The following ABHD2 variants were observed in gnomAD, a reference collection of about 807,000 sequenced individuals.
The protein encoded by ABHD2 is abhydrolase domain containing 2, acylglycerol lipase.
Under a neutral mutation model 48.1 loss-of-function variants are expected in ABHD2, and 20 were observed. The ratio of observed to expected loss-of-function variants is 0.42; its 90% CI spans 0.29 to 0.60. ABHD2 has a LOEUF of 0.60. Ranked by LOEUF, ABHD2 falls within the 20% of genes least tolerant of loss-of-function variation. ABHD2 has a pLI of 0.24. For missense variants in ABHD2, 405 were observed against 550.9 expected, an observed-to-expected ratio of 0.74 and a Z score of 2.65; for synonymous variants, 209 against 214.2, an observed-to-expected ratio of 0.98 and a Z score of 0.21.
rs1047846070 is a variant in ABHD2 at position 89,179,495 on chromosome 15, C to A, written c.722+3500C>A. On this transcript the variant is annotated intron_variant, in intron 6 of 10. Coordinates refer to ENST00000352732, the MANE Select transcript of ABHD2 (RefSeq NM_152924.5). The surrounding 1 kb of genome is among the most constrained non-coding windows in gnomAD (Gnocchi z 4.3). The stretch of plus-strand genomic sequence containing the variant: ...GAGAATCTAATATCTGATGATCTGT[C>A]GCTGTCTCCCATCACCCCCAGATGG... Among the ~76,000 whole-genome samples, 2 of 152,112 alleles carry A rather than the reference C, an allele frequency of 1.3e-5. No individual in the cohort carries two copies. The highest frequency in any genetic ancestry group is 4.8e-5 in the African/African-American group (2 of 41,422).
At chr15:89,119,374 G>A (rs1000438383) in intron 3 of ABHD2, among the ~76,000 whole-genome samples, 5 of 152,090 alleles carry the variant, frequency 3.3e-5, no homozygotes, top group African/African-American at 1.2e-4. Flanking sequence ...TCTTATTTCT[G>A]ATTTAGATTC....
chr15:89,057,604 G>A, the ABHD2 span, among the ~76,000 whole-genome samples: 1 of 152,122 alleles, frequency 6.6e-6, no homozygotes, highest in Non-Finnish European at 1.5e-5. Context: ...CACGGTGGGG[G>A]CGTGCCTGGT....
the ABHD2 span, among the ~76,000 whole-genome samples, chr15:89,081,633 G>A: frequency 3.3e-5 from 5 of 152,178 alleles, no homozygotes; most frequent in South Asian, 1.0e-3. Flanking sequence ...CTGGGAGGCC[G>A]AGGCAGGGGA....
At chr15:89,152,950 T>G (rs909389889) in intron 4 of ABHD2, among the ~76,000 whole-genome samples, 1 of 152,240 alleles carries the variant, frequency 6.6e-6, no homozygotes, top group African/African-American at 2.4e-5. Flanking sequence ...TTTTTGTTTT[T>G]TTTAAATAGG....
In ABHD2 at chr15:89,170,961, C is replaced by T. The variant is rs541004971; in HGVS notation, c.539-4851C>T. ...TGAAGCCCCGCCTCTACTAAAAATACAAAAATTAGCCCGGCGTGGTGGTGG... is the reference window on the plus strand; with the variant it reads ...TGAAGCCCCGCCTCTACTAAAAATATAAAAATTAGCCCGGCGTGGTGGTGG... On this transcript the variant is annotated intron_variant, in intron 5 of 10. Transcript: ENST00000352732. Among the ~76,000 whole-genome samples, 23 of 152,106 alleles carry T rather than the reference C, an allele frequency of 1.5e-4. No homozygotes were observed. The South Asian group carries it at 1.9e-3, about 12-fold the overall frequency.
At chr15:89,135,704 T>C in intron 3 of ABHD2, 1 of 1,426,964 alleles carries the variant, frequency 7.0e-7, no homozygotes, top group East Asian at 2.3e-5. Context: ...AATATCCTTT[T>C]CTTACTTTTC....
the ABHD2 span, among the ~76,000 whole-genome samples, chr15:89,073,296 C>A: frequency 4.6e-5 from 7 of 152,024 alleles, no homozygotes; most frequent in Non-Finnish European, 7.4e-5. Context: ...TGTGGAATAT[C>A]TGGGGAATCT....
Position 89,100,995 on chromosome 15 carries a change from A to T in ABHD2, c.-107+12432A>T, listed in dbSNP as rs1279044215. On this transcript the variant is annotated intron_variant, in intron 1 of 10. Transcript: ENST00000352732. This position sits in a 1 kb window ranked among gnomAD's most constrained non-coding sequence, Gnocchi z 4.4. ...ATGTCAGTTGGAGAATACCATAGAC[A>T]ATTTTGTTGCATTGTATATTTTGGA... Among the ~76,000 whole-genome samples, 3 of 152,246 alleles carry T rather than the reference A, an allele frequency of 2.0e-5. No homozygotes were observed. The highest frequency in any genetic ancestry group is 7.2e-5 in the African/African-American group (3 of 41,460).
the ABHD2 span, among the ~76,000 whole-genome samples, chr15:89,074,813 C>A: frequency 6.6e-6 from 1 of 152,214 alleles, no homozygotes; most frequent in Admixed American, 6.5e-5. Flanking sequence ...TCCACTAGCT[C>A]TTCCCTATCT....
At chr15:89,187,226 T>C (rs2051225780) in intron 7 of ABHD2, among the ~76,000 whole-genome samples, 1 of 152,230 alleles carries the variant, frequency 6.6e-6, no homozygotes. Flanking sequence ...GTCTTGCTAC[T>C]AATTAGTCTA....
In ABHD2 at chr15:89,127,641, T is replaced by C. The variant is rs1249290170; in HGVS notation, c.194+11120T>C. Among the ~76,000 whole-genome samples the C allele has an allele frequency of 1.3e-5, 2 of 150,152 alleles. 1 individual carries two copies. The highest frequency in any genetic ancestry group is 5.0e-5 in the African/African-American group (2 of 40,260). On this transcript the variant is annotated intron_variant, in intron 3 of 10. Transcript: ENST00000352732. ...GTTGACACCTGCCAAGCCACAGCAGTATGGACTTTTCCTTCCTTGGGATTT... is the reference window on the plus strand; with the variant it reads ...GTTGACACCTGCCAAGCCACAGCAGCATGGACTTTTCCTTCCTTGGGATTT...
chr15:89,158,351 G>A (rs777471484), intron 5 of ABHD2, among the ~76,000 whole-genome samples: 1 of 152,228 alleles, frequency 6.6e-6, no homozygotes, highest in Non-Finnish European at 1.5e-5. Flanking sequence ...AACTGGGTCT[G>A]TATAGTCTAG....
the ABHD2 span, among the ~76,000 whole-genome samples, chr15:89,059,570 C>T: frequency 6.6e-6 from 1 of 152,162 alleles, no homozygotes; most frequent in Non-Finnish European, 1.5e-5. Flanking sequence ...ACCTCTTGAA[C>T]CATGAATTGG....
In ABHD2 at chr15:89,166,226, C is replaced by G. The variant is rs1215911754; in HGVS notation, c.539-9586C>G. ...TAACGAGTCCCTTAGGATCATGAGC[C>G]TTCTAAGAACTTAGTACCCATCTCC... On this transcript the variant is annotated intron_variant, in intron 5 of 10. Transcript: ENST00000352732. This position sits in a 1 kb window ranked among gnomAD's most constrained non-coding sequence, Gnocchi z 4.6. 6.6e-6 allele frequency among the ~76,000 whole-genome samples: 1 copy of G among 152,224 alleles called. No individual in the cohort carries two copies. Among genetic ancestry groups the G allele is most frequent in the African/African-American group, 2.4e-5 (1 of 41,458 alleles).
rs1246148416 is a variant in ABHD2, at chr15:89,199,239, C to CT, written c.*3817dup. 6.6e-6 allele frequency: 1 copy of CT among 152,004 alleles called. No homozygotes were observed. The highest frequency in any genetic ancestry group is 2.4e-5 in the African/African-American group (1 of 41,348). The allele number at this position is 152,004 out of a possible 1,614,324, so 9.4% of individuals were successfully genotyped here. A position where few individuals can be genotyped will look rare whatever the true frequency, so the allele number is the denominator to read the frequency against. ...TTGTGTTTGCTCAGCAAGCAGATGT[C>CT]TGAGATGTAAGAAGCTTTTCTTTTC... On this transcript the variant is annotated 3_prime_UTR_variant, in exon 11 of 11. Transcript: ENST00000352732. The surrounding 1 kb of genome is among the most constrained non-coding windows in gnomAD (Gnocchi z 4.1).
intron 8 of ABHD2, among the ~76,000 whole-genome samples, chr15:89,190,852 A>G (rs1177129398): frequency 6.6e-6 from 1 of 152,172 alleles, no homozygotes; most frequent in African/African-American, 2.4e-5. Flanking sequence ...CAGTGCTCTT[A>G]ACCCTGAACC....
At chr15:89,193,787 A>G (rs993233398) in intron 10 of ABHD2, among the ~76,000 whole-genome samples, 4 of 152,138 alleles carry the variant, frequency 2.6e-5, no homozygotes, top group African/African-American at 9.7e-5. Flanking sequence ...CTATCTCTAC[A>G]AAAAACTTAA....
upstream of ABHD2, among the ~76,000 whole-genome samples, chr15:89,084,527 G>A (rs925672198): frequency 1.3e-4 from 20 of 152,084 alleles, no homozygotes; most frequent in African/African-American, 4.8e-4. The surrounding 1 kb of genome is among the most constrained non-coding windows in gnomAD (Gnocchi z 4.4). Context: ...TCAAACTCCT[G>A]GCTTCAAGTG....
chr15:89,139,959 C>T (rs540224069), intron 3 of ABHD2, among the ~76,000 whole-genome samples: 32 of 152,300 alleles, frequency 2.1e-4, no homozygotes, highest in African/African-American at 7.0e-4. Flanking sequence ...GGAGCAGCCA[C>T]GCAGCAGGTC....
Sources: gnomAD v4.1 joint callset for allele counts (sites outside exome capture counted in the v4.1 genomes callset) on GRCh38, gnomAD v4.1.1 for gene constraint, Gnocchi (gnomAD v3.1) non-coding constraint, MANE v1.5 for transcripts, NCBI Gene and HGNC (gene_info 2026-07-23, HGNC 2026-07-21) for gene names.